The following NBDY variants were observed in gnomAD, a reference collection of about 807,000 sequenced individuals.
The protein encoded by NBDY is P-body dissociating protein.
rs2069742166 is a variant in NBDY, at chrX:56,788,360, TG to T, written c.*167-28957del. On this transcript the variant is annotated intron_variant, in intron 2 of 2. Transcript: ENST00000374922. Reference sequence around the variant, plus strand: ...ATCAAGTGGAAACTGTTTCTGGAAATGGGAGGGAGCTGGGCACAAGTGCTGG... The same window carrying T: ...ATCAAGTGGAAACTGTTTCTGGAAATGGAGGGAGCTGGGCACAAGTGCTGG... Among the ~76,000 whole-genome samples the T allele has an allele frequency of 4.4e-5, 5 of 112,965 alleles. No homozygotes were observed. In the Admixed American group the frequency reaches 4.6e-4, roughly 10 times the overall value.
intron 2 of NBDY, among the ~76,000 whole-genome samples, chrX:56,741,956 TA>T (rs1221736702): frequency 8.9e-6 from 1 of 111,785 alleles, no homozygotes; most frequent in Non-Finnish European, 1.9e-5. Flanking sequence ...TGTAGTTTCA[TA>T]GTTTGAGGTC....
chrX:56,794,476 C>G (rs1346909936), intron 2 of NBDY, among the ~76,000 whole-genome samples: 2 of 112,024 alleles, frequency 1.8e-5, no homozygotes, highest in Non-Finnish European at 3.8e-5. Flanking sequence ...GCAGGTCTCC[C>G]CACCTACGAG....
intron 2 of NBDY, among the ~76,000 whole-genome samples, chrX:56,795,463 C>G (rs1186474450): frequency 2.7e-5 from 3 of 112,478 alleles, no homozygotes; most frequent in Non-Finnish European, 3.8e-5. Flanking sequence ...CCATGCTGCT[C>G]AGTGCCTGGG....
At chrX:56,790,009 G>T (rs900184285) in intron 2 of NBDY, among the ~76,000 whole-genome samples, 2 of 111,185 alleles carry the variant, frequency 1.8e-5, no homozygotes, top group African/African-American at 6.6e-5. Flanking sequence ...AGCTCTCTGA[G>T]GTCCTCAAGC....
chrX:56,816,320 G>A (rs1414277331), intron 2 of NBDY, among the ~76,000 whole-genome samples: 1 of 111,185 alleles, frequency 9.0e-6, no homozygotes, highest in East Asian at 2.8e-4. Flanking sequence ...TTTTAGAAAG[G>A]ATTTGGTTAA....
intron 2 of NBDY, among the ~76,000 whole-genome samples, chrX:56,739,547 T>C (rs1357667520): frequency 5.5e-5 from 6 of 108,277 alleles, no homozygotes; most frequent in African/African-American, 2.0e-4. Flanking sequence ...GGACACTTAT[T>C]TCATAGATTG....
chrX:56,811,761 G>A (rs2069888137), intron 2 of NBDY, among the ~76,000 whole-genome samples: 2 of 111,423 alleles, frequency 1.8e-5, no homozygotes, highest in African/African-American at 6.5e-5. Flanking sequence ...CCAAGGGAGT[G>A]AATGGTTTTG....
At chrX:56,809,572 T>C (rs962522880) in intron 2 of NBDY, among the ~76,000 whole-genome samples, 1 of 112,067 alleles carries the variant, frequency 8.9e-6, no homozygotes, top group Admixed American at 9.4e-5. Context: ...AGACTAGGAT[T>C]GCAACCCCTG....
At chrX:56,753,373 A>G (rs962952864) in intron 2 of NBDY, among the ~76,000 whole-genome samples, 2 of 112,264 alleles carry the variant, frequency 1.8e-5, no homozygotes, top group Admixed American at 1.9e-4. Context: ...AAAGTTAGCA[A>G]GGTATTTAGT....
At position 56,817,445 on chromosome X, in the gene NBDY, G is replaced by T. The variant is rs1035916059; in HGVS notation, c.*292G>T. 8.9e-6 allele frequency: 1 copy of T among 111,920 alleles called. No homozygotes were observed. The highest frequency in any genetic ancestry group is 3.2e-5 in the African/African-American group (1 of 30,793). The allele number at this position is 111,920 out of a possible 1,213,427, so 9.2% of individuals were successfully genotyped here. On this transcript the variant is annotated 3_prime_UTR_variant, in exon 3 of 3. Transcript: ENST00000374922. Reference sequence around the variant, plus strand: ...CCTGGATCATGGTGAACTTACCAAAGCAAACAATGCCTGTGAGATGGTCCT... The same window carrying T: ...CCTGGATCATGGTGAACTTACCAAATCAAACAATGCCTGTGAGATGGTCCT...
intron 2 of NBDY, among the ~76,000 whole-genome samples, chrX:56,762,188 C>T (rs779124817): frequency 3.6e-5 from 4 of 111,729 alleles, no homozygotes; most frequent in Admixed American, 9.4e-5. Context: ...TCCTTCAGGA[C>T]AGCTGAGGTG....
At chrX:56,735,127 A>G (rs1218345056) in intron 2 of NBDY, among the ~76,000 whole-genome samples, 1 of 112,177 alleles carries the variant, frequency 8.9e-6, no homozygotes, top group Non-Finnish European at 1.9e-5. Flanking sequence ...GCTTTTGATA[A>G]TAGAAAGGCC....
intron 2 of NBDY, among the ~76,000 whole-genome samples, chrX:56,749,739 C>T (rs1435541967): frequency 1.8e-5 from 2 of 109,089 alleles, no homozygotes; most frequent in African/African-American, 3.4e-5. Flanking sequence ...GCAGCCTCGA[C>T]CTCCCGGGTT....
At chrX:56,801,987 C>T (rs1305100635) in intron 2 of NBDY, among the ~76,000 whole-genome samples, 13 of 23,089 alleles carry the variant, frequency 5.6e-4, no homozygotes, top group African/African-American at 9.8e-4. Flanking sequence ...GACACACACA[C>T]ACACACACAC....
At chrX:56,805,594 C>T (rs1816157409) in intron 2 of NBDY, among the ~76,000 whole-genome samples, 1 of 111,659 alleles carries the variant, frequency 9.0e-6, no homozygotes, top group Admixed American at 9.5e-5. Context: ...GTGGTGGGGG[C>T]AGTGGGGACC....
At chrX:56,752,249 C>T (rs1397169003) in intron 2 of NBDY, among the ~76,000 whole-genome samples, 1 of 111,951 alleles carries the variant, frequency 8.9e-6, no homozygotes, top group Non-Finnish European at 1.9e-5. Context: ...CAATTGGTAG[C>T]TCTGTTTTAA....
intron 2 of NBDY, among the ~76,000 whole-genome samples, chrX:56,804,565 A>C (rs2069840115): frequency 8.9e-6 from 1 of 112,428 alleles, no homozygotes; most frequent in Non-Finnish European, 1.9e-5. Flanking sequence ...AGCCATGCTC[A>C]CTTTCGCCTG....
At chrX:56,807,525 C>T (rs2069858758) in intron 2 of NBDY, among the ~76,000 whole-genome samples, 1 of 111,088 alleles carries the variant, frequency 9.0e-6, no homozygotes. Context: ...TAAAGAGGTC[C>T]TTCACATCCC....
intron 2 of NBDY, among the ~76,000 whole-genome samples, chrX:56,812,733 C>A (rs1400767021): frequency 1.8e-5 from 2 of 111,657 alleles, no homozygotes; most frequent in Non-Finnish European, 3.8e-5. Flanking sequence ...CACCCCTGAA[C>A]TAGATCTTTC....
Sources: allele counts gnomAD v4.1 joint callset (sites outside exome capture counted in the v4.1 genomes callset), GRCh38; gene constraint gnomAD v4.1.1; transcripts MANE v1.5; gene names NCBI Gene and HGNC (gene_info 2026-07-23, HGNC 2026-07-21).